The following RAB3IP variants were observed in gnomAD, a reference collection of about 807,000 sequenced individuals.
RAB3IP encodes the protein rab-3A-interacting protein.
Under a neutral mutation model 59.1 loss-of-function variants are expected in RAB3IP, and 36 were observed. That is an observed-to-expected ratio of 0.61 (90% confidence interval 0.47 to 0.80). The LOEUF (loss-of-function observed/expected upper bound fraction) is 0.80. RAB3IP is among the 30% of genes least tolerant of loss of function. The probability of loss-of-function intolerance (pLI) is 0.00; values close to 1 mark genes in which losing one functional copy is unlikely to be tolerated. For missense variants in RAB3IP, 511 were observed against 536.0 expected (o/e 0.95, Z 0.46); for synonymous variants, 207 against 191.2 (o/e 1.08, Z -0.68).
intron 1 of RAB3IP, among the ~76,000 whole-genome samples, chr12:69,751,447 T>C (rs765370431): frequency 4.6e-5 from 7 of 152,158 alleles, no homozygotes; most frequent in Non-Finnish European, 1.0e-4. Context: ...GCTCCTGAGT[T>C]GGTCAGCGTT....
At chr12:69,784,238 A>G (rs1237047507) in intron 3 of RAB3IP, among the ~76,000 whole-genome samples, 1 of 152,094 alleles carries the variant, frequency 6.6e-6, no homozygotes, top group African/African-American at 2.4e-5. Context: ...TTTAATGGAT[A>G]TAGTCTCCTA....
intron 4 of RAB3IP, among the ~76,000 whole-genome samples, chr12:69,790,673 C>T (rs909911516): frequency 6.6e-6 from 1 of 152,130 alleles, no homozygotes; most frequent in Non-Finnish European, 1.5e-5. Context: ...TAACCTCCGC[C>T]TCCTGGGTTC....
At position 69,822,978 on chromosome 12, in the gene RAB3IP, T is replaced by G. The variant is rs1881922590; in HGVS notation, c.*7532T>G. 1 of 152,172 alleles carries G rather than the reference T, an allele frequency of 6.6e-6. No individual in the cohort carries two copies. Among genetic ancestry groups the G allele is most frequent in the African/African-American group, 2.4e-5 (1 of 41,436 alleles). 9.4% of individuals were successfully genotyped at this position (152,172 alleles called of 1,614,324 possible). ...ATATCCTGTACCACTGTAGGATGAC[T>G]GTAGTTAACAATAATGTGTAGTTTC... On this transcript the variant is annotated 3_prime_UTR_variant, in exon 11 of 11. Transcript: ENST00000247833.
intron 3 of RAB3IP, among the ~76,000 whole-genome samples, chr12:69,782,811 T>C (rs532665277): frequency 7.2e-5 from 11 of 152,100 alleles, no homozygotes; most frequent in South Asian, 2.1e-4. Context: ...GTTTTTTTGT[T>C]TTGTTTTTTT....
At chr12:69,765,125 T>G (rs1871979140) in intron 3 of RAB3IP, among the ~76,000 whole-genome samples, 1 of 152,288 alleles carries the variant, frequency 6.6e-6, no homozygotes, top group Middle Eastern at 3.4e-3. Context: ...TTTGGTTGCC[T>G]TTTACTTTTT....
chr12:69,820,868 A>AAC lies in RAB3IP; in HGVS notation c.*5423_*5424insCA, dbSNP rs1264126020. 2.6e-5 allele frequency: 4 copies of AAC among 151,728 alleles called. No individual in the cohort carries two copies. Among genetic ancestry groups the AAC allele is most frequent in the African/African-American group, 9.7e-5 (4 of 41,312 alleles). 9.4% of individuals were successfully genotyped at this position (151,728 alleles called of 1,614,324 possible). On this transcript the variant is annotated 3_prime_UTR_variant, in exon 11 of 11. Transcript: ENST00000247833. ...AGTGAAACTCCGTCTGAAAAAAAAAAAAAAAAACCCAAACTCAATAGAAAA... is the reference window on the plus strand; with the variant it reads ...AGTGAAACTCCGTCTGAAAAAAAAAAACAAAAAAACCCAAACTCAATAGAAAA...
chr12:69,767,186 C>T lies in RAB3IP; in HGVS notation c.510+10523C>T, dbSNP rs1375850832. Among the ~76,000 whole-genome samples, 3 of 151,926 alleles carry T rather than the reference C, an allele frequency of 2.0e-5. No homozygotes were observed. In the East Asian group the frequency reaches 5.8e-4, roughly 29 times the overall value. ...TGTTTTTTTCTTTTCCTTTCTTTTC[C>T]TCCCTATTGGGGTGTGACTGTAGAG... is the stretch of plus-strand genomic sequence containing the variant. On this transcript the variant is annotated intron_variant, in intron 3 of 10. Coordinates refer to ENST00000247833, the MANE Select transcript of RAB3IP (RefSeq NM_022456.5).
Position 69,800,256 on chromosome 12 carries a change from C to T in RAB3IP, c.936C>T (p.Pro312=), listed in dbSNP as rs535231822. The stretch of plus-strand genomic sequence containing the variant: ...AATTCCGATTGTGGAAGGATGAGCC[C>T]ACAATGGACAGGACGTGTCCTTTCT... ...YNEFRLWKDE[P]TMDRTCPFLD... The change falls in exon 7 of 11, where the codon CCC becomes CCT. Residue 312 remains proline, a synonymous_variant. Transcript: ENST00000247833. 28 of 1,590,340 alleles carry T rather than the reference C, an allele frequency of 1.8e-5. No individual in the cohort carries two copies. The East Asian group carries it at 6.2e-4, about 35-fold the overall frequency.
intron 3 of RAB3IP, among the ~76,000 whole-genome samples, chr12:69,757,446 G>C (rs1870408553): frequency 6.6e-6 from 1 of 152,168 alleles, no homozygotes; most frequent in Non-Finnish European, 1.5e-5. Flanking sequence ...CCTCTAGCAA[G>C]ACTGACAAAA....
Position 69,822,284 on chromosome 12 carries a change from T to C in RAB3IP, c.*6838T>C, listed in dbSNP as rs1881831255. 6.6e-6 allele frequency: 1 copy of C among 152,232 alleles called. No individual in the cohort carries two copies. Among genetic ancestry groups the C allele is most frequent in the Non-Finnish European group, 1.5e-5 (1 of 68,048 alleles). 9.4% of individuals were successfully genotyped at this position (152,232 alleles called of 1,614,324 possible). ...GTTTTACATCGCGTGCTTCAGGCTT[T>C]ACTACAGCCTACCTGGATTTTGCAG... is the stretch of plus-strand genomic sequence containing the variant. On this transcript the variant is annotated 3_prime_UTR_variant, in exon 11 of 11. Transcript: ENST00000247833.
In RAB3IP at chr12:69,786,126, TCA is replaced by T. The variant is rs553983322; in HGVS notation, c.606+1314_606+1315del. On this transcript the variant is annotated intron_variant, in intron 4 of 10. Transcript: ENST00000247833. ...TGTTATTATTTATTCATAATCTATTTCACAGTCTCAGGTATGTATGTATTCTT... is the reference window on the plus strand; with the variant it reads ...TGTTATTATTTATTCATAATCTATTTCAGTCTCAGGTATGTATGTATTCTT... 1.5e-3 allele frequency among the ~76,000 whole-genome samples: 228 copies of T among 152,356 alleles called. 1 individual carries two copies. Among genetic ancestry groups the T allele is most frequent in the African/African-American group, 5.1e-3 (214 of 41,584 alleles).
chr12:69,789,009 A>G, intron 4 of RAB3IP, among the ~76,000 whole-genome samples: 1 of 152,070 alleles, frequency 6.6e-6, no homozygotes, highest in East Asian at 1.9e-4. Flanking sequence ...AAAACTGAAA[A>G]CACAACGTAC....
rs1881704469 is a variant in RAB3IP at position 69,821,179 on chromosome 12, T to G, written c.*5733T>G. ...GGGCCCCCATCACCACATCCCCAGA[T>G]TTAACCGCAGCAGCTCAGCTTTTAT... On this transcript the variant is annotated 3_prime_UTR_variant, in exon 11 of 11. Transcript: ENST00000247833. 6.6e-6 allele frequency: 1 copy of G among 152,290 alleles called. No individual in the cohort carries two copies. The highest frequency in any genetic ancestry group is 2.1e-4 in the South Asian group (1 of 4,826). The allele number at this position is 152,290 out of a possible 1,614,324, so 9.4% of individuals were successfully genotyped here. A position where few individuals can be genotyped will look rare whatever the true frequency, so the allele number is the denominator to read the frequency against.
chr12:69,819,450 TC>T lies in RAB3IP; in HGVS notation c.*4005del, dbSNP rs1881473741. The T allele has an allele frequency of 6.6e-6, 1 of 152,222 alleles. No individual in the cohort carries two copies. Among genetic ancestry groups the T allele is most frequent in the African/African-American group, 2.4e-5 (1 of 41,406 alleles). The allele number at this position is 152,222 out of a possible 1,614,324, so 9.4% of individuals were successfully genotyped here. A position where few individuals can be genotyped will look rare whatever the true frequency, so the allele number is the denominator to read the frequency against. On this transcript the variant is annotated 3_prime_UTR_variant, in exon 11 of 11. Coordinates refer to ENST00000247833, the MANE Select transcript of RAB3IP (RefSeq NM_022456.5). ...GTTAAGCAGGTATTGGATGTACAAATCTAAATTCAGTAAGGTCAGTCCAGGA... is the reference window on the plus strand; with the variant it reads ...GTTAAGCAGGTATTGGATGTACAAATTAAATTCAGTAAGGTCAGTCCAGGA...
At chr12:69,743,082 G>A (rs1478622404) in intron 1 of RAB3IP, among the ~76,000 whole-genome samples, 3 of 152,158 alleles carry the variant, frequency 2.0e-5, no homozygotes, top group Admixed American at 2.0e-4. Context: ...ACACAAATAA[G>A]TATATGAATT....
chr12:69,796,404 CATT>C (rs1347918090), intron 6 of RAB3IP: 1 of 331,756 alleles, frequency 3.0e-6, no homozygotes, highest in Non-Finnish European at 5.4e-6. Flanking sequence ...AATTTTTAAT[CATT>C]GTATACTGTG....
At position 69,812,783 on chromosome 12, in the gene RAB3IP, G is replaced by T. The variant is rs746131730; in HGVS notation, c.1136G>T (p.Cys379Phe). The T allele has an allele frequency of 6.3e-7, 1 of 1,596,848 alleles. No individual in the cohort carries two copies. Among genetic ancestry groups the T allele is most frequent in the African/African-American group, 1.3e-5 (1 of 74,090 alleles). ...AATTTATCATTATTTCACAGAAAATGTGCTCTCACTGGCCAGAGTAAGTCC... is the reference window on the plus strand; with the variant it reads ...AATTTATCATTATTTCACAGAAAATTTGCTCTCACTGGCCAGAGTAAGTCC... ...SAVECGGPKK[C>F]ALTGQSKSCK... The change falls in exon 9 of 11, where the codon TGT becomes TTT. Residue 379 changes from cysteine to phenylalanine, a missense_variant. Cys to Phe is a radical substitution (Grantham distance 205, BLOSUM62 -2). Transcript: ENST00000247833.
In RAB3IP at chr12:69,795,281, T is replaced by C. The variant is rs1289263181; in HGVS notation, c.825T>C (p.Ser275=). The change falls in exon 6 of 11, where the codon AGT becomes AGC. Residue 275 remains serine (S), a synonymous_variant. Transcript: ENST00000247833. ...KGHTRNKSTS[S]AMSGSHQDLS... ...ATACAAGAAATAAAAGCACAAGCAG[T>C]GCTATGAGTGGCAGTCATCAGGACC... is the stretch of plus-strand genomic sequence containing the variant. 1 of 1,614,028 alleles carries C rather than the reference T, an allele frequency of 6.2e-7. No individual in the cohort carries two copies. Among genetic ancestry groups the C allele is most frequent in the East Asian group, 2.2e-5 (1 of 44,876 alleles).
At chr12:69,762,496 G>A (rs190935618) in intron 3 of RAB3IP, among the ~76,000 whole-genome samples, 3 of 152,232 alleles carry the variant, frequency 2.0e-5, no homozygotes, top group East Asian at 1.9e-4. Flanking sequence ...AGTGGCTCAC[G>A]CCTGTAGTCC....
Sources: allele counts gnomAD v4.1 joint callset (sites outside exome capture counted in the v4.1 genomes callset), GRCh38; gene constraint gnomAD v4.1.1; transcripts MANE v1.5; gene names NCBI Gene and HGNC (gene_info 2026-07-23, HGNC 2026-07-21).